ITGA4: variants seen among roughly 807,000 people sequenced by gnomAD.
ITGA4 encodes integrin alpha-4.
Under a neutral mutation model 133.6 loss-of-function variants are expected in ITGA4, and 63 were observed. The observed-to-expected ratio is 0.47, with a 90% CI of 0.38 to 0.58. ITGA4 has a LOEUF of 0.58. Among genes scored for constraint, ITGA4 ranks in the 20% least tolerant of loss-of-function variants. The probability of loss-of-function intolerance (pLI) is 0.00; values close to 1 mark genes in which losing one functional copy is unlikely to be tolerated. For missense variants in ITGA4, 1,076 were observed against 1,252.7 expected, an observed-to-expected ratio of 0.86 and a Z score of 2.13; for synonymous variants, 483 against 438.0, an observed-to-expected ratio of 1.10 and a Z score of -1.28.
At chr2:181,476,436 T>G (rs560170761) in intron 4 of ITGA4, among the ~76,000 whole-genome samples, 1 of 152,316 alleles carries the variant, frequency 6.6e-6, no homozygotes, top group South Asian at 2.1e-4. Flanking sequence ...TCATTATAAA[T>G]GACTTACCAA....
At chr2:181,490,588 T>G (rs969454844) in intron 10 of ITGA4, among the ~76,000 whole-genome samples, 1 of 150,306 alleles carries the variant, frequency 6.7e-6, no homozygotes, top group Non-Finnish European at 1.5e-5. Flanking sequence ...GAAGGGAAAT[T>G]TGGGGGTATG....
intron 18 of ITGA4, 71 bp downstream of exon 18, chr2:181,522,412 G>C: frequency 9.8e-7 from 1 of 1,025,550 alleles, no homozygotes; most frequent in Non-Finnish European, 1.4e-6. Context: ...GTAAATGGTA[G>C]AATTCACTTC....
intron 2 of ITGA4, among the ~76,000 whole-genome samples, chr2:181,460,899 A>G (rs1220390138): frequency 6.6e-6 from 1 of 152,096 alleles, no homozygotes; most frequent in Non-Finnish European, 1.5e-5. Flanking sequence ...AAATGTTATA[A>G]TGATTAAAGA....
chr2:181,511,909 A>G (rs373359797), intron 17 of ITGA4, 134 bp downstream of exon 17: 54 of 542,788 alleles, frequency 9.9e-5, no homozygotes, highest in South Asian at 6.6e-4. Flanking sequence ...TAGCAACACA[A>G]TGCTTAGTTT....
intron 2 of ITGA4, among the ~76,000 whole-genome samples, chr2:181,469,874 T>G (rs1315680198): frequency 6.6e-6 from 1 of 151,600 alleles, no homozygotes; most frequent in Non-Finnish European, 1.5e-5. Context: ...ATGAGAACAC[T>G]TGGACACAGG....
chr2:181,469,011 G>T lies in ITGA4; in HGVS notation c.320-5949G>T, dbSNP rs142920011. On this transcript the variant is annotated intron_variant, in intron 2 of 27. Transcript: ENST00000397033. ...GATTTGATTTACTAAGAGTTTAGAT[G>T]AGTAATTTATGAACTGAATTGAAAA... Among the ~76,000 whole-genome samples, 23 of 152,252 alleles carry T rather than the reference G, an allele frequency of 1.5e-4. No homozygotes were observed. The South Asian group carries it at 1.7e-3, about 11-fold the overall frequency.
chr2:181,493,880 T>C (rs1686106787), intron 11 of ITGA4, among the ~76,000 whole-genome samples: 1 of 152,200 alleles, frequency 6.6e-6, no homozygotes, highest in African/African-American at 2.4e-5. Context: ...CTCAGGATCT[T>C]ACTCTGACTT....
chr2:181,504,708 CACAATCCATT>C, intron 15 of ITGA4, among the ~76,000 whole-genome samples: 1 of 152,044 alleles, frequency 6.6e-6, no homozygotes, highest in South Asian at 2.1e-4. Context: ...TTAGAGCTAG[CACAATCCATT>C]ACATAAGGCA....
In ITGA4 at chr2:181,534,883, G is replaced by C; in HGVS notation, c.2951G>C (p.Ser984Thr). The C allele has an allele frequency of 6.3e-7, 1 of 1,598,510 alleles. No homozygotes were observed. The highest frequency in any genetic ancestry group is 8.5e-7 in the Non-Finnish European group (1 of 1,174,878). ...RYFTIVIISS[S>T]LLLGLIVLLL... ...TTCACCATAGTGATTATTTCAAGTA[G>C]CTTGCTACTTGGACTTATTGTACTT... The change falls in exon 27 of 28, where the codon AGC (serine) becomes ACC (threonine). Residue 984 changes from serine to threonine, a missense_variant. By Grantham distance (58) the Ser-to-Thr change is moderately conservative. Coordinates refer to ENST00000397033, the MANE Select transcript of ITGA4 (RefSeq NM_000885.6).
At chr2:181,472,867 C>T (rs1163994304) in intron 2 of ITGA4, among the ~76,000 whole-genome samples, 5 of 152,100 alleles carry the variant, frequency 3.3e-5, no homozygotes, top group African/African-American at 7.2e-5. Flanking sequence ...CAAGTTAACA[C>T]GGAGACCTTA....
intron 15 of ITGA4, among the ~76,000 whole-genome samples, chr2:181,507,944 G>A (rs185496678): frequency 3.4e-4 from 52 of 152,004 alleles, no homozygotes; most frequent in Non-Finnish European, 6.3e-4. Flanking sequence ...TTACTTAATC[G>A]AATGACAAAT....
rs1204980261 is a variant in ITGA4 at position 181,538,600 on chromosome 2, T to C, written c.*3073T>C. Among the ~76,000 whole-genome samples, 1 of 152,200 alleles carries C rather than the reference T, an allele frequency of 6.6e-6. No homozygotes were observed. Among genetic ancestry groups the C allele is most frequent in the Non-Finnish European group, 1.5e-5 (1 of 68,028 alleles). On this transcript the variant is annotated 3_prime_UTR_variant, in exon 28 of 28. Transcript: ENST00000397033. ...GCGTTTGCAGGTTCCTAAACCTGTT[T>C]ATACCAGTTGCTATGTAAAATTGTT...
chr2:181,491,407 G>A lies in ITGA4; in HGVS notation c.1154-1918G>A, dbSNP rs1686047005. ...AAAAATTAGCCGGGCATGGTGGCGCGCGCCTGTAGTCCCAGCTACAAGGGA... is the reference window on the plus strand; with the variant it reads ...AAAAATTAGCCGGGCATGGTGGCGCACGCCTGTAGTCCCAGCTACAAGGGA... On this transcript the variant is annotated intron_variant, in intron 10 of 27. Transcript: ENST00000397033. 4.3e-4 allele frequency among the ~76,000 whole-genome samples: 2 copies of A among 4,638 alleles called. 1 individual carries two copies. The highest frequency in any genetic ancestry group is 4.6e-4 in the African/African-American group (2 of 4,356). The allele number at this position is 4,638 out of a possible 152,430, so 3.0% of individuals were successfully genotyped here. A position where few individuals can be genotyped will look rare whatever the true frequency, so the allele number is the denominator to read the frequency against.
Position 181,527,316 on chromosome 2 carries a change from T to C in ITGA4, c.2359T>C (p.Phe787Leu), listed in dbSNP as rs370854208. The C allele has an allele frequency of 5.6e-6, 9 of 1,611,266 alleles. No homozygotes were observed. The African/African-American group carries it at 1.2e-4, about 22-fold the overall frequency. The part of the protein sequence containing the change: ...TVHGFVNPTS[F>L]VYGSNDENEP... ...TACCAGGTTTGTAAACCCAACTTCATTTGTGTATGGATCAAATGATGAAAA... is the reference window on the plus strand; with the variant it reads ...TACCAGGTTTGTAAACCCAACTTCACTTGTGTATGGATCAAATGATGAAAA... The change falls in exon 22 of 28, where the codon TTT (phenylalanine) becomes CTT (leucine). Residue 787 changes from phenylalanine to leucine, a missense_variant. Phe to Leu is a conservative substitution (Grantham distance 22). Around this residue, in one of 4 missense-constraint regions of ITGA4, gnomAD observed 365 missense variants for 421.4 expected, o/e 0.87. Coordinates refer to ENST00000397033, the MANE Select transcript of ITGA4 (RefSeq NM_000885.6).
intron 4 of ITGA4, 124 bp downstream of exon 4, chr2:181,475,412 T>C: frequency 1.4e-6 from 1 of 738,426 alleles, no homozygotes; most frequent in Non-Finnish European, 2.2e-6. Flanking sequence ...ATTATGTTCT[T>C]TTTAACTACT....
In ITGA4 at chr2:181,535,104, A is replaced by G. The variant is rs182082807; in HGVS notation, c.3003+169A>G. ...CTTCAACACCAAAGTCTTTCTAGAA[A>G]AATATGCATTCTTAATTTGTTTTGA... On this transcript the variant is annotated intron_variant, in intron 27 of 27. Coordinates refer to ENST00000397033, the MANE Select transcript of ITGA4 (RefSeq NM_000885.6). Among the ~76,000 whole-genome samples the G allele has an allele frequency of 1.8e-3, 275 of 152,202 alleles. 2 individuals are homozygous for G. The highest frequency in any genetic ancestry group is 3.3e-3 in the Non-Finnish European group (224 of 68,008).
At chr2:181,534,126 A>C (rs1687002177) in intron 25 of ITGA4, 146 bp from the exon 26 acceptor site, 2 of 583,324 alleles carry the variant, frequency 3.4e-6, no homozygotes, top group Non-Finnish European at 6.2e-6. Flanking sequence ...TTTGGGAACC[A>C]AAGGAGGCAC....
rs939165199 is a variant in ITGA4, at chr2:181,458,400, C to G, written c.319+83C>G. 4 of 1,508,108 alleles carry G rather than the reference C, an allele frequency of 2.7e-6. No homozygotes were observed. The African/African-American group carries it at 5.5e-5, about 21-fold the overall frequency. 93.4% of individuals were successfully genotyped at this position (1,508,108 alleles called of 1,614,324 possible). On this transcript the variant is annotated intron_variant, in intron 2 of 27. Transcript: ENST00000397033. ...CCATAGGGCAAGTCCTGGAAAGATT[C>G]ACGTTGCCTGTTACTTCTGGTTTAA...
At position 181,537,710 on chromosome 2, in the gene ITGA4, GTTT is replaced by G. The variant is rs74486071; in HGVS notation, c.*2188_*2190del. 2.3e-6 allele frequency: 1 copy of G among 426,518 alleles called. No individual in the cohort carries two copies. Among genetic ancestry groups the G allele is most frequent in the African/African-American group, 2.1e-5 (1 of 48,510 alleles). The allele number at this position is 426,518 out of a possible 1,614,324, so 26.4% of individuals were successfully genotyped here. Reference sequence around the variant, plus strand: ...ATTGATGTATTATGATGGTTGCAAAGTTTTTTTGTGTGTCCAATAAACACATTG... The same window carrying G: ...ATTGATGTATTATGATGGTTGCAAAGTTTTGTGTGTCCAATAAACACATTG... On this transcript the variant is annotated 3_prime_UTR_variant, in exon 28 of 28. Transcript: ENST00000397033.
Sources: gnomAD v4.1 joint callset for allele counts (sites outside exome capture counted in the v4.1 genomes callset) on GRCh38, gnomAD v4.1.1 for gene constraint, gnomAD v4.1.1 regional missense constraint, MANE v1.5 for transcripts, NCBI Gene and HGNC (gene_info 2026-07-23, HGNC 2026-07-21) for gene names.